The following MGMT variants were observed in gnomAD, a reference collection of about 807,000 sequenced individuals.
The protein encoded by MGMT is methylated-DNA--protein-cysteine methyltransferase.
In MGMT, 14 loss-of-function variants were observed where a neutral mutation model predicts 15.9. The ratio of observed to expected loss-of-function variants is 0.88; its 90% CI spans 0.58 to 1.37. The LOEUF is 1.37. Ranked by LOEUF, MGMT falls within the 40% of genes most tolerant of loss-of-function variation. The probability of loss-of-function intolerance (pLI) is 0.00; values close to 1 mark genes in which losing one functional copy is unlikely to be tolerated. For synonymous variants in MGMT, 130 were observed against 118.2 expected (o/e 1.10, Z -0.65); for missense variants, 282 against 268.1 (o/e 1.05, Z -0.36).
chr10:129,623,006 A>G (rs1448472927), intron 2 of MGMT, among the ~76,000 whole-genome samples: 1 of 152,142 alleles, frequency 6.6e-6, no homozygotes, highest in Non-Finnish European at 1.5e-5. Flanking sequence ...TCTGCTGCTC[A>G]ATCTGTGGCC....
At chr10:129,549,182 AT>A in intron 2 of MGMT, among the ~76,000 whole-genome samples, 1 of 152,136 alleles carries the variant, frequency 6.6e-6, no homozygotes, top group Non-Finnish European at 1.5e-5. Context: ...TGGTTGATCC[AT>A]TTCCTTCAGT....
chr10:129,766,957 C>T lies in MGMT; in HGVS notation c.584C>T (p.Ala195Val), dbSNP rs773919809. Residue 195 changes from alanine to valine, a missense_variant, in exon 5 of 5, where the codon GCG becomes GTG. Coordinates refer to ENST00000651593, the MANE Select transcript of MGMT (RefSeq NM_002412.5). ...SGLAGAWLKG[A>V]GATSGSPPAG... ...CTGGCAGGGGCCTGGCTCAAGGGAG[C>T]GGGAGCTACCTCGGGCTCCCCGCCT... 22 of 1,609,796 alleles carry T rather than the reference C, an allele frequency of 1.4e-5. No individual in the cohort carries two copies. The highest frequency in any genetic ancestry group is 1.7e-4 in the Middle Eastern group (1 of 6,036).
chr10:129,689,956 G>A (rs1241606474), intron 2 of MGMT, among the ~76,000 whole-genome samples: 2 of 152,228 alleles, frequency 1.3e-5, no homozygotes, highest in Non-Finnish European at 2.9e-5. Flanking sequence ...TTAAAATTGA[G>A]TCCTTGTGTG....
At chr10:129,677,574 C>T (rs1485888603) in intron 2 of MGMT, among the ~76,000 whole-genome samples, 1 of 152,180 alleles carries the variant, frequency 6.6e-6, no homozygotes, top group African/African-American at 2.4e-5. Context: ...TGTCTTTCAC[C>T]CAGTCTGTTT....
intron 1 of MGMT, among the ~76,000 whole-genome samples, chr10:129,508,097 G>C (rs1845643436): frequency 6.6e-6 from 1 of 152,148 alleles, no homozygotes; most frequent in East Asian, 1.9e-4. Flanking sequence ...CTAATTCTTA[G>C]GGACCTCTGG....
chr10:129,558,841 T>G (rs1846245094), intron 2 of MGMT, among the ~76,000 whole-genome samples: 1 of 152,234 alleles, frequency 6.6e-6, no homozygotes, highest in South Asian at 2.1e-4. Flanking sequence ...TTTCTCTTTT[T>G]CCTTTTACTT....
chr10:129,706,725 T>A (rs972796208), intron 2 of MGMT, among the ~76,000 whole-genome samples: 34 of 152,216 alleles, frequency 2.2e-4, no homozygotes, highest in African/African-American at 8.2e-4. Flanking sequence ...GGATGTGTCA[T>A]GCACTCCACA....
intron 2 of MGMT, among the ~76,000 whole-genome samples, chr10:129,543,169 A>C (rs947074300): frequency 4.6e-5 from 7 of 152,192 alleles, no homozygotes; most frequent in Non-Finnish European, 8.8e-5. Flanking sequence ...TGGGGCCTGC[A>C]GAGGTGTTAG....
chr10:129,711,443 C>G (rs989805298), intron 3 of MGMT, among the ~76,000 whole-genome samples: 3 of 152,164 alleles, frequency 2.0e-5, no homozygotes, highest in Non-Finnish European at 4.4e-5. Flanking sequence ...CCGGGGCTGC[C>G]TCATTGTGAG....
At chr10:129,488,208 C>A (rs901758879) in intron 1 of MGMT, among the ~76,000 whole-genome samples, 20 of 152,076 alleles carry the variant, frequency 1.3e-4, no homozygotes, top group Admixed American at 1.2e-3. Context: ...GCAGATTAGA[C>A]CCCAGTCAGT....
intron 2 of MGMT, among the ~76,000 whole-genome samples, chr10:129,580,898 G>T (rs1846546878): frequency 6.6e-6 from 1 of 152,168 alleles, no homozygotes; most frequent in Non-Finnish European, 1.5e-5. Flanking sequence ...TACCATTTCT[G>T]GGAACCATGG....
intron 2 of MGMT, among the ~76,000 whole-genome samples, chr10:129,557,908 G>A (rs955134163): frequency 6.6e-6 from 1 of 152,182 alleles, no homozygotes; most frequent in Non-Finnish European, 1.5e-5. Context: ...ATTGCCTTTG[G>A]TGATGAGTTG....
At chr10:129,667,454 G>A (rs761623626) in intron 2 of MGMT, among the ~76,000 whole-genome samples, 34 of 152,054 alleles carry the variant, frequency 2.2e-4, no homozygotes, top group Non-Finnish European at 2.2e-4. Context: ...GCATGTCACC[G>A]TAGCTTGTTC....
chr10:129,550,713 T>G (rs1846147633), intron 2 of MGMT, among the ~76,000 whole-genome samples: 1 of 152,182 alleles, frequency 6.6e-6, no homozygotes, highest in Admixed American at 6.5e-5. Context: ...CCCAAAGTCC[T>G]GGGATTACAG....
intron 3 of MGMT, among the ~76,000 whole-genome samples, chr10:129,738,875 C>G (rs578009924): frequency 3.9e-5 from 6 of 152,296 alleles, no homozygotes; most frequent in Non-Finnish European, 5.9e-5. Flanking sequence ...AGGCCAATAT[C>G]CCTGATGAAC....
chr10:129,585,304 G>A (rs1006000522), intron 2 of MGMT, among the ~76,000 whole-genome samples: 16 of 152,254 alleles, frequency 1.1e-4, no homozygotes, highest in African/African-American at 3.6e-4. Context: ...GGACACACTT[G>A]GTGTACTATT....
intron 2 of MGMT, among the ~76,000 whole-genome samples, chr10:129,677,426 C>G (rs926996664): frequency 6.6e-6 from 1 of 152,184 alleles, no homozygotes. Context: ...CTGTATTCAT[C>G]TCTGCCCTGT....
intron 1 of MGMT, among the ~76,000 whole-genome samples, chr10:129,527,732 G>T (rs973115944): frequency 2.6e-5 from 4 of 151,506 alleles, no homozygotes; most frequent in Non-Finnish European, 5.9e-5. Context: ...CCCTTGACAC[G>T]CCTGGAATCC....
intron 2 of MGMT, among the ~76,000 whole-genome samples, chr10:129,548,271 T>C (rs1181268660): frequency 6.6e-6 from 1 of 152,228 alleles, no homozygotes; most frequent in Admixed American, 6.5e-5. Flanking sequence ...TTCTGTCCTA[T>C]TTCTTTAATA....
Sources: allele counts gnomAD v4.1 joint callset (sites outside exome capture counted in the v4.1 genomes callset), GRCh38; gene constraint gnomAD v4.1.1; transcripts MANE v1.5; gene names NCBI Gene and HGNC (gene_info 2026-07-23, HGNC 2026-07-21).